AFAP1: variants seen among roughly 807,000 people sequenced by gnomAD.
AFAP1 encodes actin filament associated protein 1.
Under a neutral mutation model 93.9 loss-of-function variants are expected in AFAP1, and 75 were observed. The observed-to-expected ratio is 0.80, with a 90% CI of 0.66 to 0.97. The LOEUF is 0.97. Among genes scored for constraint, AFAP1 ranks in the 50% least tolerant of loss-of-function variants. AFAP1 has a pLI of 0.00. For missense variants in AFAP1, 1,201 were observed against 1,050.8 expected (o/e 1.14, Z -1.98); for synonymous variants, 517 against 430.7 (o/e 1.20, Z -2.48).
rs934036800 is a variant in AFAP1 at position 7,872,886 on chromosome 4, G to C, written c.-2-806C>G. On this transcript the variant is annotated intron_variant, in intron 1 of 17. Coordinates refer to ENST00000420658, the MANE Select transcript of AFAP1 (RefSeq NM_001134647.2). ...GAAGTGACACCAAACTATCCTAGCG[G>C]TCATGATATCCTTCACCATATACTC... Among the ~76,000 whole-genome samples the C allele has an allele frequency of 8.8e-5, 13 of 147,766 alleles. No homozygotes were observed. In the Admixed American group the frequency reaches 8.8e-4, roughly 10 times the overall value.
intron 1 of AFAP1, among the ~76,000 whole-genome samples, chr4:7,900,585 G>A (rs377518547): frequency 7.9e-5 from 12 of 152,320 alleles, no homozygotes; most frequent in African/African-American, 2.2e-4. Context: ...CCAGGCCCAC[G>A]CCAGCGACTC....
chr4:7,761,850 T>TA lies in AFAP1; in HGVS notation c.*1914dup, dbSNP rs1445379008. On this transcript the variant is annotated 3_prime_UTR_variant, in exon 18 of 18. Coordinates refer to ENST00000420658, the MANE Select transcript of AFAP1 (RefSeq NM_001134647.2). ...GTGACCACTGGAGGGAGGGCTCCTC[T>TA]ATGGCAATGCAGCGGACGGCCCTGA... The TA allele has an allele frequency of 1.3e-5, 2 of 152,298 alleles. No homozygotes were observed. The highest frequency in any genetic ancestry group is 4.8e-5 in the African/African-American group (2 of 41,468). The allele number at this position is 152,298 out of a possible 1,614,324, so 9.4% of individuals were successfully genotyped here. A position where few individuals can be genotyped will look rare whatever the true frequency, so the allele number is the denominator to read the frequency against.
At chr4:7,878,634 C>T (rs113612379) in intron 1 of AFAP1, among the ~76,000 whole-genome samples, 206 of 152,334 alleles carry the variant, frequency 1.4e-3, no homozygotes, top group African/African-American at 4.6e-3. Context: ...TAATAGAAAT[C>T]TCCAGCTACC....
intron 10 of AFAP1, among the ~76,000 whole-genome samples, chr4:7,794,172 C>T (rs1386489483): frequency 6.6e-6 from 1 of 152,174 alleles, no homozygotes; most frequent in African/African-American, 2.4e-5. Flanking sequence ...GCAACACCAC[C>T]TGACCATGAG....
Position 7,868,732 on chromosome 4 carries a change from A to G in AFAP1, c.128-13T>C. 1 of 1,611,520 alleles carries G rather than the reference A, an allele frequency of 6.2e-7. No homozygotes were observed. The highest frequency in any genetic ancestry group is 8.5e-7 in the Non-Finnish European group (1 of 1,178,928). ...TTCACATCAAAACCTGTAAGAATTAACCAGAACCACAGAACTGGATGAGGA... is the reference window on the plus strand; with the variant it reads ...TTCACATCAAAACCTGTAAGAATTAGCCAGAACCACAGAACTGGATGAGGA... On this transcript the variant is annotated splice_polypyrimidine_tract_variant and intron_variant, in intron 2 of 17. Coordinates refer to ENST00000420658, the MANE Select transcript of AFAP1 (RefSeq NM_001134647.2).
At chr4:7,874,368 T>C (rs1445631972) in intron 1 of AFAP1, among the ~76,000 whole-genome samples, 12 of 136,212 alleles carry the variant, frequency 8.8e-5, no homozygotes, top group Admixed American at 2.2e-4. Context: ...TTTTTTTTTT[T>C]TTTTTTTTTT....
At chr4:7,806,237 C>T (rs563121281) in intron 9 of AFAP1, among the ~76,000 whole-genome samples, 95 of 152,334 alleles carry the variant, frequency 6.2e-4, no homozygotes, top group Non-Finnish European at 9.1e-4. Flanking sequence ...GTTAGGCGGG[C>T]GGACCTGGCC....
intron 14 of AFAP1, chr4:7,777,286 ATGG>A (rs1367041479): frequency 6.6e-6 from 1 of 152,248 alleles, no homozygotes; most frequent in Non-Finnish European, 1.5e-5. Context: ...CATTAAACAA[ATGG>A]TGGTAGGAGG....
At chr4:7,804,294 G>GA (rs1719310787) in intron 9 of AFAP1, among the ~76,000 whole-genome samples, 1 of 152,194 alleles carries the variant, frequency 6.6e-6, no homozygotes, top group African/African-American at 2.4e-5. Flanking sequence ...GGCGTCTCAA[G>GA]ATTTAACCAC....
At chr4:7,915,173 G>A (rs59871587) in intron 1 of AFAP1, among the ~76,000 whole-genome samples, 2,286 of 152,266 alleles carry the variant, frequency 0.015, 52 homozygotes, top group African/African-American at 0.049. Flanking sequence ...GTGCGCCCCC[G>A]CGCCCAGCCA....
chr4:7,803,945 C>T (rs1466627647), intron 9 of AFAP1, among the ~76,000 whole-genome samples: 1 of 152,202 alleles, frequency 6.6e-6, no homozygotes, highest in African/African-American at 2.4e-5. Context: ...AGCGACTGCC[C>T]CTACCCCATC....
chr4:7,900,781 T>C (rs796241001), intron 1 of AFAP1, among the ~76,000 whole-genome samples: 6 of 152,300 alleles, frequency 3.9e-5, no homozygotes, highest in African/African-American at 1.2e-4. Context: ...CGTGGTAGCA[T>C]TGCAATAATT....
intron 3 of AFAP1, among the ~76,000 whole-genome samples, chr4:7,866,321 C>A (rs896675837): frequency 6.6e-6 from 1 of 152,140 alleles, no homozygotes; most frequent in African/African-American, 2.4e-5. Flanking sequence ...CTCAGCCTCC[C>A]AAGTAGCTGG....
intron 6 of AFAP1, among the ~76,000 whole-genome samples, chr4:7,827,791 G>A (rs1462230536): frequency 2.0e-5 from 3 of 151,940 alleles, no homozygotes; most frequent in Non-Finnish European, 4.4e-5. Context: ...AGGAAGGCGG[G>A]AAAGGACACT....
chr4:7,773,604 C>T (rs1265811495), intron 15 of AFAP1: 1 of 152,598 alleles, frequency 6.6e-6, no homozygotes, highest in Non-Finnish European at 1.5e-5. Flanking sequence ...AGGCGAGGTT[C>T]TCTTTTTCAA....
At chr4:7,905,794 A>G (rs1357120741) in intron 1 of AFAP1, among the ~76,000 whole-genome samples, 2 of 152,224 alleles carry the variant, frequency 1.3e-5, no homozygotes, top group Non-Finnish European at 2.9e-5. Flanking sequence ...CAACCTTCAC[A>G]CAGAAAAGAA....
chr4:7,853,595 A>T (rs904017393), intron 4 of AFAP1, among the ~76,000 whole-genome samples: 6 of 152,150 alleles, frequency 3.9e-5, no homozygotes, highest in African/African-American at 1.4e-4. Flanking sequence ...TCCAGGGAAG[A>T]AGTTCTCACA....
intron 17 of AFAP1, among the ~76,000 whole-genome samples, chr4:7,767,454 T>C (rs149660889): frequency 4.2e-3 from 644 of 152,312 alleles, no homozygotes; most frequent in Non-Finnish European, 6.5e-3. Context: ...TGGGATGTCA[T>C]TGGGCAGCTC....
chr4:7,843,147 T>TAC lies in AFAP1; in HGVS notation c.537_538insGT (p.Lys180ValfsTer39). 1 of 1,613,974 alleles carries TAC rather than the reference T, an allele frequency of 6.2e-7. No homozygotes were observed. The highest frequency in any genetic ancestry group is 2.2e-5 in the East Asian group (1 of 44,880). ...GATTCCAAATGTCTTACCAGCAGTT[T>TAC]GGTGTCTTTGATGACGCAGAGCAAC... On this transcript the variant is annotated frameshift_variant, in exon 5 of 18. Coordinates refer to ENST00000420658, the MANE Select transcript of AFAP1 (RefSeq NM_001134647.2). LOFTEE classifies it high-confidence loss of function.
Sources: allele counts gnomAD v4.1 joint callset (sites outside exome capture counted in the v4.1 genomes callset), GRCh38; gene constraint gnomAD v4.1.1; transcripts MANE v1.5; gene names NCBI Gene and HGNC (gene_info 2026-07-23, HGNC 2026-07-21).